The following SULF2 variants were observed in gnomAD, a reference collection of about 807,000 sequenced individuals.
SULF2 encodes extracellular sulfatase Sulf-2.
Under a neutral mutation model 107.7 loss-of-function variants are expected in SULF2, and 52 were observed. That is an observed-to-expected ratio of 0.48 (90% CI 0.39 to 0.61). The LOEUF is 0.61. SULF2 is among the 20% of genes least tolerant of loss of function. The pLI, the probability that SULF2 is intolerant of heterozygous loss-of-function variation, is 0.00. For missense variants in SULF2, 993 were observed against 1,177.3 expected, an observed-to-expected ratio of 0.84 and a Z score of 2.29; for synonymous variants, 460 against 464.3, an observed-to-expected ratio of 0.99 and a Z score of 0.12.
chr20:47,753,114 A>AG (rs1284131336), intron 2 of SULF2, among the ~76,000 whole-genome samples: 3 of 150,350 alleles, frequency 2.0e-5, no homozygotes, highest in South Asian at 2.1e-4. Flanking sequence ...AAAAAAAAAA[A>AG]AAAAAGAAAG....
At chr20:47,708,172 T>A (rs1240936898) in intron 3 of SULF2, among the ~76,000 whole-genome samples, 3 of 152,126 alleles carry the variant, frequency 2.0e-5, no homozygotes, top group Non-Finnish European at 4.4e-5. Flanking sequence ...TGGGGAATGA[T>A]GACAAATGCG....
At chr20:47,682,847 G>T in intron 7 of SULF2, 147 bp downstream of exon 7, 1 of 752,974 alleles carries the variant, frequency 1.3e-6, no homozygotes, top group Non-Finnish European at 2.1e-6. Context: ...GATATAACAT[G>T]CATGACATAA....
At chr20:47,777,263 G>A (rs1176642905) in intron 1 of SULF2, among the ~76,000 whole-genome samples, 1 of 152,220 alleles carries the variant, frequency 6.6e-6, no homozygotes, top group Non-Finnish European at 1.5e-5. Flanking sequence ...ATTTAGAGGT[G>A]AGTGCAAAAC....
chr20:47,697,485 G>A (rs879552160), intron 4 of SULF2, among the ~76,000 whole-genome samples: 1 of 152,202 alleles, frequency 6.6e-6, no homozygotes, highest in African/African-American at 2.4e-5. Context: ...AGGGCACAGG[G>A]CTCCTGAGCT....
rs6122605 is a variant in SULF2 at position 47,693,426 on chromosome 20, G to C, written c.568-3131C>G. 7.3e-3 allele frequency among the ~76,000 whole-genome samples: 1,111 copies of C among 152,266 alleles called. 17 individuals are homozygous for C. Among genetic ancestry groups the C allele is most frequent in the African/African-American group, 0.026 (1,069 of 41,560 alleles). On this transcript the variant is annotated intron_variant, in intron 4 of 20. Transcript: ENST00000688720. ...GACTCATCTTCACTACTTCATCTTAGAACTATATGCCTGTTTGGCCGTGGT... is the reference window on the plus strand; with the variant it reads ...GACTCATCTTCACTACTTCATCTTACAACTATATGCCTGTTTGGCCGTGGT...
chr20:47,782,092 T>C (rs1480858656), intron 1 of SULF2, among the ~76,000 whole-genome samples: 1 of 152,200 alleles, frequency 6.6e-6, no homozygotes, highest in African/African-American at 2.4e-5. Flanking sequence ...AGGAACCTGA[T>C]TACTTTACAG....
In SULF2 at chr20:47,665,923, C is replaced by T. The variant is rs368502016; in HGVS notation, c.1836G>A (p.Gln612=). Reference sequence around the variant, plus strand: ...GGGACTTGTACAGGTCCAGGTCACACTGGACTGTGTCGTTCTCTAGGATGT... The same window carrying T: ...GGGACTTGTACAGGTCCAGGTCACATTGGACTGTGTCGTTCTCTAGGATGT... ...RCYILENDTV[Q]CDLDLYKSLQ... Residue 612 remains glutamine, a synonymous_variant, in exon 13 of 21, where the codon CAG becomes CAA. Coordinates refer to ENST00000688720, the MANE Select transcript of SULF2 (RefSeq NM_001387048.1). 10 of 1,614,008 alleles carry T rather than the reference C, an allele frequency of 6.2e-6. No individual in the cohort carries two copies. The African/African-American group carries it at 1.3e-4, about 22-fold the overall frequency.
intron 1 of SULF2, among the ~76,000 whole-genome samples, chr20:47,774,932 C>T (rs1296651867): frequency 6.6e-6 from 1 of 152,204 alleles, no homozygotes; most frequent in Non-Finnish European, 1.5e-5. Flanking sequence ...AACTCTCCTT[C>T]AGGAGGCTGC....
In SULF2 at chr20:47,755,827, G is replaced by A. The variant is rs868290617; in HGVS notation, c.175+1362C>T. Among the ~76,000 whole-genome samples the A allele has an allele frequency of 1.6e-4, 24 of 151,976 alleles. 1 individual carries two copies. The highest frequency in any genetic ancestry group is 6.8e-3 in the Middle Eastern group (2 of 292). On this transcript the variant is annotated intron_variant, in intron 2 of 20. Coordinates refer to ENST00000688720, the MANE Select transcript of SULF2 (RefSeq NM_001387048.1). ...CTCAAAGCCCCCACCATGGCCACAA[G>A]GCCTGGTGCAACCCGGGCCAAGTCA...
At chr20:47,719,634 T>C (rs1421369313) in intron 3 of SULF2, among the ~76,000 whole-genome samples, 1 of 152,222 alleles carries the variant, frequency 6.6e-6, no homozygotes, top group Non-Finnish European at 1.5e-5. Context: ...TCCACCTATA[T>C]TCTAATAAAT....
At chr20:47,667,781 C>G (rs765141053) in intron 11 of SULF2, among the ~76,000 whole-genome samples, 6 of 152,152 alleles carry the variant, frequency 3.9e-5, no homozygotes, top group African/African-American at 7.2e-5. Flanking sequence ...CAAGTGACCC[C>G]GAGATGGTGA....
intron 3 of SULF2, chr20:47,706,880 C>CA (rs749270987): frequency 6.6e-6 from 1 of 152,140 alleles, no homozygotes; most frequent in Non-Finnish European, 1.5e-5. Flanking sequence ...ACTCTTGGGT[C>CA]TGATTTCTTA....
intron 1 of SULF2, among the ~76,000 whole-genome samples, chr20:47,759,550 G>A (rs1278704234): frequency 6.6e-6 from 1 of 152,156 alleles, no homozygotes; most frequent in East Asian, 1.9e-4. Context: ...AAATTAGCTG[G>A]GCATGGTGGC....
intron 1 of SULF2, among the ~76,000 whole-genome samples, chr20:47,778,375 T>A (rs1171526929): frequency 6.6e-6 from 1 of 152,244 alleles, no homozygotes; most frequent in Non-Finnish European, 1.5e-5. Context: ...ATAGAATTTA[T>A]CTAAGATTCA....
chr20:47,735,495 G>C (rs2089707013), intron 3 of SULF2, among the ~76,000 whole-genome samples: 1 of 152,168 alleles, frequency 6.6e-6, no homozygotes, highest in Non-Finnish European at 1.5e-5. Flanking sequence ...CTGCTGTGCT[G>C]CGGGCCTGCC....
At chr20:47,703,897 T>G (rs1048414645) in intron 3 of SULF2, among the ~76,000 whole-genome samples, 4 of 152,198 alleles carry the variant, frequency 2.6e-5, no homozygotes, top group Non-Finnish European at 5.9e-5. Context: ...TTAAGAGAGA[T>G]AAACCAGATA....
At chr20:47,737,912 T>C (rs1379810903) in intron 2 of SULF2, among the ~76,000 whole-genome samples, 1 of 151,740 alleles carries the variant, frequency 6.6e-6, no homozygotes, top group Non-Finnish European at 1.5e-5. Context: ...CGCAGCTAGT[T>C]TCTGTATTTT....
At chr20:47,761,512 C>T (rs1016679368) in intron 1 of SULF2, among the ~76,000 whole-genome samples, 1 of 152,222 alleles carries the variant, frequency 6.6e-6, no homozygotes, top group African/African-American at 2.4e-5. Flanking sequence ...GGAAAGTGGA[C>T]ATCGCTTCCC....
At chr20:47,729,960 G>A (rs900028378) in intron 3 of SULF2, among the ~76,000 whole-genome samples, 4 of 152,242 alleles carry the variant, frequency 2.6e-5, no homozygotes, top group African/African-American at 7.2e-5. Flanking sequence ...AATGCCTAGC[G>A]GGCGCCTTTC....
Sources: allele counts gnomAD v4.1 joint callset (sites outside exome capture counted in the v4.1 genomes callset), GRCh38; gene constraint gnomAD v4.1.1; transcripts MANE v1.5; gene names NCBI Gene and HGNC (gene_info 2026-07-23, HGNC 2026-07-21).